Variants in CTBP2 observed in about 807,000 individuals in gnomAD.
CTBP2 encodes C-terminal binding protein 2.
Under a neutral mutation model 80.3 loss-of-function variants are expected in CTBP2, and 30 were observed. The ratio of observed to expected loss-of-function variants is 0.37; its 90% confidence interval spans 0.28 to 0.51. CTBP2 has a LOEUF of 0.51. Ranked by LOEUF, CTBP2 falls within the 20% of genes least tolerant of loss-of-function variation. The pLI is 0.93. For synonymous variants in CTBP2, 594 were observed against 587.4 expected (o/e 1.01, Z -0.16); for missense variants, 1,212 against 1,375.3 (o/e 0.88, Z 1.88).
At chr10:125,067,709 C>CTCT (rs1196686617) in intron 2 of CTBP2, among the ~76,000 whole-genome samples, 1 of 152,106 alleles carries the variant, frequency 6.6e-6, no homozygotes, top group Non-Finnish European at 1.5e-5. Context: ...TCTCTCAAAG[C>CTCT]AGTAAGTTAT....
At chr10:125,151,861 G>A (rs1476716175) in intron 1 of CTBP2, among the ~76,000 whole-genome samples, 1 of 152,180 alleles carries the variant, frequency 6.6e-6, no homozygotes, top group Non-Finnish European at 1.5e-5. Context: ...CCCCGGGTCC[G>A]AGCGGCCCCG....
chr10:125,031,054 G>A (rs1245833621), upstream of CTBP2, among the ~76,000 whole-genome samples: 1 of 152,144 alleles, frequency 6.6e-6, no homozygotes, highest in Non-Finnish European at 1.5e-5. Context: ...GAAGTTAGCG[G>A]GTAACACGGT....
intron 1 of CTBP2, among the ~76,000 whole-genome samples, chr10:125,155,568 T>C (rs1442886553): frequency 6.6e-6 from 1 of 152,146 alleles, no homozygotes; most frequent in African/African-American, 2.4e-5. Context: ...GTCACACTGA[T>C]GGCTTTTGGA....
Position 125,117,391 on chromosome 10 carries a change from G to A in CTBP2, c.-205-6298C>T, listed in dbSNP as rs180992308. Among the ~76,000 whole-genome samples, 356 of 152,210 alleles carry A rather than the reference G, an allele frequency of 2.3e-3. 2 individuals carry two copies. Among genetic ancestry groups the A allele is most frequent in the African/African-American group, 8.3e-3 (344 of 41,532 alleles). On this transcript the variant is annotated intron_variant, in intron 1 of 10. Coordinates refer to the CTBP2 transcript ENST00000337195. The stretch of plus-strand genomic sequence containing the variant: ...CCGAGCACCACACAGTGGGGTACAC[G>A]TGTGACCCATGCCCTCTAACAAGGA...
At chr10:125,087,075 C>CT (rs564770474) in intron 2 of CTBP2, among the ~76,000 whole-genome samples, 5,217 of 136,516 alleles carry the variant, frequency 0.038, 183 homozygotes, top group East Asian at 0.13. Flanking sequence ...CAATTTCTTT[C>CT]TTTTTTTTTT....
At chr10:125,156,446 C>G (rs1405758241) in intron 1 of CTBP2, among the ~76,000 whole-genome samples, 1 of 152,206 alleles carries the variant, frequency 6.6e-6, no homozygotes, top group Non-Finnish European at 1.5e-5. Flanking sequence ...AAGGGTATAA[C>G]TTTGCTTTCA....
At chr10:125,019,793 TA>T (rs1359365330) in intron 1 of CTBP2, among the ~76,000 whole-genome samples, 1 of 152,204 alleles carries the variant, frequency 6.6e-6, no homozygotes, top group Non-Finnish European at 1.5e-5. Flanking sequence ...AGCAAATACG[TA>T]AGACTCCAAA....
intron 2 of CTBP2, among the ~76,000 whole-genome samples, chr10:125,089,841 C>G (rs1470140578): frequency 6.6e-6 from 1 of 152,156 alleles, no homozygotes; most frequent in African/African-American, 2.4e-5. Context: ...ATGGGTGGGA[C>G]CATGTCACAG....
At chr10:125,031,437 C>T (rs1314039308), upstream of CTBP2, among the ~76,000 whole-genome samples, 1 of 128,240 alleles carries the variant, frequency 7.8e-6, no homozygotes, top group African/African-American at 3.0e-5. Flanking sequence ...TGCAGTGAGC[C>T]GAGACAGAAC....
At chr10:125,152,408 T>G (rs1591124625) in intron 1 of CTBP2, among the ~76,000 whole-genome samples, 1 of 152,196 alleles carries the variant, frequency 6.6e-6, no homozygotes, top group Non-Finnish European at 1.5e-5. Context: ...GAAGTCGTCC[T>G]GGAGTCAGTC....
At chr10:125,094,150 G>A (rs779143798) in intron 2 of CTBP2, among the ~76,000 whole-genome samples, 20 of 152,330 alleles carry the variant, frequency 1.3e-4, no homozygotes, top group Admixed American at 2.6e-4. Context: ...GAGGAAAGCA[G>A]GCGGTAAGTT....
At position 125,027,477 on chromosome 10, in the gene CTBP2, T is replaced by C. The variant is rs772882546; in HGVS notation, c.283A>G (p.Arg95Gly). ...CTGCGACCAGACATCACTGCCTGTC[T>C]GCTGTCGTAGAAGGTGAAGTCAGGA... The change falls in exon 1 of 9, where the codon AGA becomes GGA. Residue 95 changes from arginine to glycine, a missense_variant. By Grantham distance (125) the Arg-to-Gly change is moderately radical. Transcript: ENST00000309035. The C allele has an allele frequency of 2.5e-6, 4 of 1,614,062 alleles. No individual in the cohort carries two copies. The highest frequency in any genetic ancestry group is 3.4e-6 in the Non-Finnish European group (4 of 1,180,034).
intron 1 of CTBP2, among the ~76,000 whole-genome samples, chr10:125,125,632 G>C (rs1433346524): frequency 6.6e-6 from 1 of 152,228 alleles, no homozygotes; most frequent in Non-Finnish European, 1.5e-5. Context: ...CATACTCACT[G>C]TCCCAAAACC....
intron 2 of CTBP2, among the ~76,000 whole-genome samples, chr10:125,053,118 C>T (rs1250655793): frequency 6.6e-6 from 1 of 152,188 alleles, no homozygotes; most frequent in African/African-American, 2.4e-5. Flanking sequence ...AAACCCCACA[C>T]AACTTCCAGG....
chr10:125,005,513 G>C lies in CTBP2; in HGVS notation c.1679-2021C>G, dbSNP rs779020517. Reference sequence around the variant, plus strand: ...CAGGGCAGGGGAGGGGGAAAATAAGGCAGGGACGAGGGCCAACACCCCCGT... The same window carrying C: ...CAGGGCAGGGGAGGGGGAAAATAAGCCAGGGACGAGGGCCAACACCCCCGT... On this transcript the variant is annotated intron_variant, in intron 1 of 8. Coordinates refer to ENST00000309035, the MANE Select transcript of CTBP2 (RefSeq NM_022802.3). 6 of 1,574,994 alleles carry C rather than the reference G, an allele frequency of 3.8e-6. No homozygotes were observed. In the Admixed American group the frequency reaches 1.1e-4, roughly 28 times the overall value.
At position 124,988,434 on chromosome 10, in the gene CTBP2, T is replaced by C. The variant is rs1952148687; in HGVS notation, c.*1084A>G. 1.3e-5 allele frequency: 2 copies of C among 152,628 alleles called. No homozygotes were observed. The allele number at this position is 152,628 out of a possible 1,614,324, so 9.5% of individuals were successfully genotyped here. On this transcript the variant is annotated 3_prime_UTR_variant, in exon 9 of 9. Coordinates refer to ENST00000309035, the MANE Select transcript of CTBP2 (RefSeq NM_022802.3). ...CGGTAACTCACACTAAAACAAAACA[T>C]ACTTCTGATAGCCATTATTTTTCTG...
intron 2 of CTBP2, among the ~76,000 whole-genome samples, chr10:125,094,862 ATT>A (rs60252831): frequency 0.074 from 10,891 of 147,162 alleles, 511 homozygotes; most frequent in Middle Eastern, 0.14. Context: ...ATTACCGGCA[ATT>A]TTTTTTTTTT....
chr10:125,105,369 C>T (rs1851297093), intron 2 of CTBP2, among the ~76,000 whole-genome samples: 1 of 152,206 alleles, frequency 6.6e-6, no homozygotes, highest in African/African-American at 2.4e-5. Flanking sequence ...CCAGGCTGGT[C>T]TCAAACTCCT....
At chr10:125,003,621 C>A in intron 1 of CTBP2, 129 bp from the exon 4 acceptor site, 1 of 648,424 alleles carries the variant, frequency 1.5e-6, no homozygotes. Flanking sequence ...AGCGAGGGCA[C>A]CGCCTCCACC....
Sources: gnomAD v4.1 joint callset for allele counts (sites outside exome capture counted in the v4.1 genomes callset) on GRCh38, gnomAD v4.1.1 for gene constraint, MANE v1.5 for transcripts, NCBI Gene and HGNC (gene_info 2026-07-23, HGNC 2026-07-21) for gene names.